Variants in XPO6 observed in about 807,000 individuals in gnomAD.
XPO6 encodes the protein exportin 6, also known as exportin-6.
Under a neutral mutation model 130.0 loss-of-function variants are expected in XPO6, and 3 were observed. The observed-to-expected ratio is 0.02, with a 90% CI of 0.01 to 0.06. The LOEUF is 0.06. Ranked by LOEUF, XPO6 falls within the 10% of genes least tolerant of loss-of-function variation. The probability of loss-of-function intolerance (pLI) is 1.00; values close to 1 mark genes in which losing one functional copy is unlikely to be tolerated. For missense variants in XPO6, 970 were observed against 1,393.0 expected, an observed-to-expected ratio of 0.70 and a Z score of 4.83; for synonymous variants, 524 against 548.9, an observed-to-expected ratio of 0.95 and a Z score of 0.63.
intron 12 of XPO6, among the ~76,000 whole-genome samples, chr16:28,130,440 T>C (rs1001862479): frequency 3.3e-5 from 5 of 152,090 alleles, no homozygotes; most frequent in African/African-American, 4.8e-5. Context: ...TGGAGGTTAT[T>C]TGAGGGGGTA....
chr16:28,123,291 TAG>T (rs2087293336), intron 13 of XPO6, among the ~76,000 whole-genome samples: 1 of 152,058 alleles, frequency 6.6e-6, no homozygotes, highest in African/African-American at 2.4e-5. Context: ...GTCTTTTTAG[TAG>T]AGACAGGTTT....
intron 1 of XPO6, among the ~76,000 whole-genome samples, chr16:28,211,000 G>A (rs548779393): frequency 2.0e-5 from 3 of 152,342 alleles, no homozygotes; most frequent in Non-Finnish European, 4.4e-5. Flanking sequence ...CCCCACTTCC[G>A]AACAGAGGGC....
In XPO6 at chr16:28,125,809, C is replaced by T. The variant is rs753097036; in HGVS notation, c.1646G>A (p.Arg549Gln). 3.7e-6 allele frequency: 6 copies of T among 1,614,130 alleles called. No homozygotes were observed. The highest frequency in any genetic ancestry group is 5.1e-6 in the Non-Finnish European group (6 of 1,180,042). Residue 549 changes from arginine to glutamine, a missense_variant, in exon 13 of 24, where the codon CGG becomes CAG. Arg to Gln is a conservative substitution (Grantham distance 43, BLOSUM62 1). Transcript: ENST00000304658. ...LNITAENDCR[R>Q]LHCSLRDLSS... ...CAAGTCTCTCAGGGAGCAGTGCAGCCGCCGGCAGTCGTTCTCCGCCGTGAT... is the reference window on the plus strand; with the variant it reads ...CAAGTCTCTCAGGGAGCAGTGCAGCTGCCGGCAGTCGTTCTCCGCCGTGAT...
At chr16:28,114,922 C>G (rs1478743744) in intron 15 of XPO6, among the ~76,000 whole-genome samples, 1 of 152,212 alleles carries the variant, frequency 6.6e-6, no homozygotes, top group Admixed American at 6.5e-5. Flanking sequence ...CCAGTTGATT[C>G]CATCTCAAAA....
chr16:28,118,670 C>G (rs2087139239), intron 14 of XPO6, among the ~76,000 whole-genome samples: 1 of 152,194 alleles, frequency 6.6e-6, no homozygotes, highest in South Asian at 2.1e-4. Context: ...CTGTTAATCA[C>G]TTTGAATGAG....
At chr16:28,201,653 G>A (rs559208690) in intron 1 of XPO6, among the ~76,000 whole-genome samples, 1 of 152,218 alleles carries the variant, frequency 6.6e-6, no homozygotes, top group South Asian at 2.1e-4. Context: ...TCAGGAGATC[G>A]AGACCATCCT....
chr16:28,162,719 T>C (rs1012186506), intron 6 of XPO6, among the ~76,000 whole-genome samples: 6 of 151,884 alleles, frequency 4.0e-5, no homozygotes, highest in African/African-American at 9.7e-5. Context: ...GGAGCCACCA[T>C]GCCCAGATAT....
At chr16:28,157,628 C>A (rs2043204426) in intron 6 of XPO6, among the ~76,000 whole-genome samples, 1 of 151,988 alleles carries the variant, frequency 6.6e-6, no homozygotes, top group Non-Finnish European at 1.5e-5. Flanking sequence ...CACAACAACC[C>A]CAGTACAAAA....
chr16:28,135,128 G>C, intron 10 of XPO6, 88 bp downstream of exon 10: 2 of 1,083,418 alleles, frequency 1.8e-6, no homozygotes, highest in South Asian at 2.9e-5. Flanking sequence ...ACAGTCTTCG[G>C]AGCAGAGGGC....
At chr16:28,135,992 C>G (rs988537036) in intron 9 of XPO6, among the ~76,000 whole-genome samples, 13 of 152,176 alleles carry the variant, frequency 8.5e-5, no homozygotes, top group African/African-American at 2.9e-4. Context: ...AGCAGCTGCT[C>G]TGGGGATGAT....
chr16:28,135,316 T>C lies in XPO6; in HGVS notation c.1343A>G (p.Asp448Gly). 6.2e-7 allele frequency: 1 copy of C among 1,613,458 alleles called. No individual in the cohort carries two copies. The highest frequency in any genetic ancestry group is 1.6e-4 in the Middle Eastern group (1 of 6,062). Residue 448 changes from aspartate (D) to glycine (G), a missense_variant, in exon 10 of 24, where the codon GAT (aspartate) becomes GGT (glycine). Coordinates refer to ENST00000304658, the MANE Select transcript of XPO6 (RefSeq NM_015171.4). Reference protein sequence around the residue: ...DKEAVLNRYEDALVLLLTEVL... With the variant: ...DKEAVLNRYEGALVLLLTEVL... The stretch of plus-strand genomic sequence containing the variant: ...CTCTGTGAGCAGGAGCACCAGGGCA[T>C]CTTCGTACCTATGTGGCAGGGAGAA...
chr16:28,114,992 A>G (rs1454094639), intron 15 of XPO6, among the ~76,000 whole-genome samples: 1 of 152,184 alleles, frequency 6.6e-6, no homozygotes, highest in East Asian at 1.9e-4. Context: ...CTTGATCCTG[A>G]GATTGCAGCA....
intron 1 of XPO6, among the ~76,000 whole-genome samples, chr16:28,200,446 A>G (rs1329097385): frequency 6.6e-6 from 1 of 152,136 alleles, no homozygotes; most frequent in African/African-American, 2.4e-5. Flanking sequence ...AATATGGACC[A>G]GCTACCACTG....
chr16:28,102,169 C>G (rs961328596), intron 21 of XPO6, among the ~76,000 whole-genome samples: 13 of 152,078 alleles, frequency 8.5e-5, no homozygotes, highest in Non-Finnish European at 2.9e-5. Flanking sequence ...TTTTAACAAA[C>G]CTCTAGAAAC....
At position 28,098,419 on chromosome 16, in the gene XPO6, C is replaced by A; in HGVS notation, c.*119G>T. On this transcript the variant is annotated 3_prime_UTR_variant, in exon 24 of 24. Transcript: ENST00000304658. ...GGAGCGGCAGAGGCAGGCAGCGTTGCTTGCGGTGGGAGAAGCCAAGGAGTG... is the reference window on the plus strand; with the variant it reads ...GGAGCGGCAGAGGCAGGCAGCGTTGATTGCGGTGGGAGAAGCCAAGGAGTG... 1.2e-6 allele frequency: 1 copy of A among 848,722 alleles called. No individual in the cohort carries two copies. Among genetic ancestry groups the A allele is most frequent in the Admixed American group, 2.2e-5 (1 of 44,896 alleles). The allele number at this position is 848,722 out of a possible 1,614,324, so 52.6% of individuals were successfully genotyped here. A position where few individuals can be genotyped will look rare whatever the true frequency, so the allele number is the denominator to read the frequency against.
At chr16:28,193,429 C>T (rs1347513208) in intron 1 of XPO6, among the ~76,000 whole-genome samples, 2 of 152,170 alleles carry the variant, frequency 1.3e-5, no homozygotes, top group African/African-American at 4.8e-5. Flanking sequence ...AGGGAGAAGA[C>T]GCTGCAAAGC....
Position 28,125,820 on chromosome 16 carries a change from G to A in XPO6, c.1635C>T (p.Asn545=), listed in dbSNP as rs750583347. The A allele has an allele frequency of 5.1e-5, 82 of 1,613,886 alleles. No individual in the cohort carries two copies. Among genetic ancestry groups the A allele is most frequent in the East Asian group, 2.2e-5 (1 of 44,894 alleles). The change falls in exon 13 of 24, where the codon AAC becomes AAT. Residue 545 remains asparagine, a synonymous_variant. Coordinates refer to ENST00000304658, the MANE Select transcript of XPO6 (RefSeq NM_015171.4). ...SGHRLNITAE[N]DCRRLHCSLR... ...GGGAGCAGTGCAGCCGCCGGCAGTC[G>A]TTCTCCGCCGTGATGTTCAACCTGT...
chr16:28,178,679 G>A lies in XPO6; in HGVS notation c.95-1347C>T, dbSNP rs143789352. ...TGTGCCTGAAGCTTTAGCCCAGGAGGCCGAGGTTGCAATGAGCTATGATCA... is the reference window on the plus strand; with the variant it reads ...TGTGCCTGAAGCTTTAGCCCAGGAGACCGAGGTTGCAATGAGCTATGATCA... On this transcript the variant is annotated intron_variant, in intron 2 of 23. Transcript: ENST00000304658. Among the ~76,000 whole-genome samples the A allele has an allele frequency of 3.2e-4, 48 of 151,814 alleles. No individual in the cohort carries two copies. The East Asian group carries it at 9.1e-3, about 29-fold the overall frequency.
In XPO6 at chr16:28,117,436, T is replaced by C; in HGVS notation, c.1886A>G (p.Gln629Arg). 1 of 1,614,158 alleles carries C rather than the reference T, an allele frequency of 6.2e-7. No individual in the cohort carries two copies. Reference protein sequence around the residue: ...DVHAQSLAALQAYSHWLAQYC... With the variant: ...DVHAQSLAALRAYSHWLAQYC... ...CTGTGCTAACCAGTGAGAGTAAGCC[T>C]GCAGCGCAGCCAGGGACTGAGCATG... Residue 629 changes from glutamine to arginine, a missense_variant, in exon 15 of 24, where the codon CAG becomes CGG. Transcript: ENST00000304658.
Sources: allele counts gnomAD v4.1 joint callset (sites outside exome capture counted in the v4.1 genomes callset), GRCh38; gene constraint gnomAD v4.1.1; transcripts MANE v1.5; gene names NCBI Gene and HGNC (gene_info 2026-07-23, HGNC 2026-07-21).